NPSR1: variants seen among roughly 807,000 people sequenced by gnomAD.
NPSR1 encodes neuropeptide S receptor.
In NPSR1, 48 loss-of-function variants were observed where a neutral mutation model predicts 46.9. That is an observed-to-expected ratio of 1.02 (90% CI 0.81 to 1.30). The LOEUF is 1.30. Ranked by LOEUF, NPSR1 falls within the 50% of genes most tolerant of loss-of-function variation. The pLI, the probability that NPSR1 is intolerant of heterozygous loss-of-function variation, is 0.00. For missense variants in NPSR1, 450 were observed against 449.5 expected, an observed-to-expected ratio of 1.00 and a Z score of -0.01; for synonymous variants, 176 against 168.1, an observed-to-expected ratio of 1.05 and a Z score of -0.36.
chr7:34,858,631 T>C (rs1791110404), intron 8 of NPSR1, among the ~76,000 whole-genome samples: 1 of 151,782 alleles, frequency 6.6e-6, no homozygotes. Flanking sequence ...CTGGGGAGGT[T>C]TCACAATCAT....
At chr7:34,691,413 A>G (rs566014329) in intron 2 of NPSR1, among the ~76,000 whole-genome samples, 3 of 152,296 alleles carry the variant, frequency 2.0e-5, no homozygotes, top group Non-Finnish European at 4.4e-5. Context: ...CACTTAAAAT[A>G]TAGAGTGGAA....
intron 2 of NPSR1, among the ~76,000 whole-genome samples, chr7:34,767,407 C>T (rs1056298658): frequency 6.6e-6 from 1 of 152,050 alleles, no homozygotes; most frequent in Non-Finnish European, 1.5e-5. Flanking sequence ...AGTGATTTCA[C>T]AGAAAGATAA....
At chr7:34,761,168 C>A (rs1298345791) in intron 2 of NPSR1, 1 of 152,612 alleles carries the variant, frequency 6.6e-6, no homozygotes, top group Non-Finnish European at 1.5e-5. Flanking sequence ...GTCAGGTATA[C>A]AAAAATCTGG....
At chr7:34,716,188 T>A (rs559982278) in intron 2 of NPSR1, among the ~76,000 whole-genome samples, 24 of 152,248 alleles carry the variant, frequency 1.6e-4, no homozygotes, top group African/African-American at 5.8e-4. Context: ...CTAAACTCTG[T>A]CACTGGAGAG....
At chr7:34,795,567 A>G (rs949238803) in intron 3 of NPSR1, among the ~76,000 whole-genome samples, 1 of 152,176 alleles carries the variant, frequency 6.6e-6, no homozygotes, top group African/African-American at 2.4e-5. Flanking sequence ...GCAAGATTAC[A>G]GAATATGTTA....
intron 3 of NPSR1, among the ~76,000 whole-genome samples, chr7:34,784,184 C>A (rs867227964): frequency 6.6e-6 from 1 of 152,218 alleles, no homozygotes; most frequent in African/African-American, 2.4e-5. Context: ...TTTCCTTCTC[C>A]TGCCTAATGG....
chr7:34,814,341 G>A (rs1292275140), intron 4 of NPSR1, among the ~76,000 whole-genome samples: 1 of 152,242 alleles, frequency 6.6e-6, no homozygotes, highest in Non-Finnish European at 1.5e-5. Context: ...GCTAGGGGAG[G>A]AGCGTCCACC....
At chr7:34,777,774 T>C (rs1489436413) in intron 2 of NPSR1, among the ~76,000 whole-genome samples, 1 of 152,174 alleles carries the variant, frequency 6.6e-6, no homozygotes, top group Non-Finnish European at 1.5e-5. Context: ...ATAGCCTATC[T>C]TGCCATTTCT....
At chr7:34,805,440 T>C (rs1367218711) in intron 3 of NPSR1, among the ~76,000 whole-genome samples, 1 of 132,358 alleles carries the variant, frequency 7.6e-6, no homozygotes, top group African/African-American at 2.9e-5. Context: ...TTTTCAAGAA[T>C]GGCTGTCTTA....
chr7:34,809,042 C>T (rs941358576), intron 3 of NPSR1, among the ~76,000 whole-genome samples: 2 of 152,126 alleles, frequency 1.3e-5, no homozygotes, highest in African/African-American at 4.8e-5. Flanking sequence ...CTGTCACCTC[C>T]CTCAAGACAG....
At chr7:34,753,986 G>C (rs1162869238) in intron 2 of NPSR1, among the ~76,000 whole-genome samples, 1 of 152,120 alleles carries the variant, frequency 6.6e-6, no homozygotes, top group Admixed American at 6.5e-5. Flanking sequence ...ACTTAATCTG[G>C]ATGTCAGACC....
At chr7:34,767,129 A>G (rs1786473892) in intron 2 of NPSR1, among the ~76,000 whole-genome samples, 1 of 152,164 alleles carries the variant, frequency 6.6e-6, no homozygotes, top group Non-Finnish European at 1.5e-5. Flanking sequence ...TTGATATATG[A>G]CATGCTTGTA....
chr7:34,659,560 A>C (rs1791350317), intron 1 of NPSR1, among the ~76,000 whole-genome samples: 1 of 152,174 alleles, frequency 6.6e-6, no homozygotes, highest in Non-Finnish European at 1.5e-5. Context: ...ATTCAGAATA[A>C]AACTTTCAGC....
At chr7:34,877,303 G>A (rs1032980120) in intron 8 of NPSR1, among the ~76,000 whole-genome samples, 4 of 152,184 alleles carry the variant, frequency 2.6e-5, no homozygotes, top group African/African-American at 9.6e-5. Context: ...AGATCAAAAT[G>A]GTGGCCCTTA....
At chr7:34,849,988 G>T (rs1385834290), downstream of NPSR1, 7 of 1,064,478 alleles carry the variant, frequency 6.6e-6, no homozygotes, top group African/African-American at 1.0e-4. Context: ...CAGGCAAGCA[G>T]AGGGGACAAA....
At chr7:34,779,568 T>C in intron 3 of NPSR1, 1 of 1,260,504 alleles carries the variant, frequency 7.9e-7, no homozygotes, top group South Asian at 2.2e-5. Context: ...TTATTCCATA[T>C]TCAGAAAATG....
chr7:34,824,583 AC>A (rs2128754948), intron 4 of NPSR1, among the ~76,000 whole-genome samples: 1 of 152,218 alleles, frequency 6.6e-6, no homozygotes, highest in African/African-American at 2.4e-5. Context: ...CCAAGCCTAT[AC>A]CCTGCTGGGC....
chr7:34,684,812 G>A (rs1024674038), intron 2 of NPSR1, 128 bp downstream of exon 2: 2 of 761,332 alleles, frequency 2.6e-6, no homozygotes, highest in African/African-American at 3.6e-5. Context: ...ATTTCTGAAA[G>A]AATATAAAAC....
At chr7:34,872,473 C>T (rs141225782) in intron 8 of NPSR1, among the ~76,000 whole-genome samples, 9 of 152,078 alleles carry the variant, frequency 5.9e-5, no homozygotes, top group Non-Finnish European at 5.9e-5. Flanking sequence ...TGCTCCACAG[C>T]GTGCTTGAAC....
Sources: allele counts gnomAD v4.1 joint callset (sites outside exome capture counted in the v4.1 genomes callset), GRCh38; gene constraint gnomAD v4.1.1; transcripts MANE v1.5; gene names NCBI Gene and HGNC (gene_info 2026-07-23, HGNC 2026-07-21).